ANKLE2: variants seen among roughly 807,000 people sequenced by gnomAD.
ANKLE2 encodes ankyrin repeat and LEM domain containing 2.
Under a neutral mutation model 84.2 loss-of-function variants are expected in ANKLE2, and 55 were observed. The observed-to-expected ratio is 0.65, with a 90% CI of 0.53 to 0.82. ANKLE2 has a LOEUF of 0.82. Among genes scored for constraint, ANKLE2 ranks in the 40% least tolerant of loss-of-function variants. The probability of loss-of-function intolerance (pLI) is 0.00; values close to 1 mark genes in which losing one functional copy is unlikely to be tolerated. For missense variants in ANKLE2, 1,238 were observed against 1,201.9 expected (o/e 1.03, Z -0.44); for synonymous variants, 551 against 486.1 (o/e 1.13, Z -1.76).
intron 8 of ANKLE2, among the ~76,000 whole-genome samples, chr12:132,736,626 G>A (rs758889833): frequency 3.9e-5 from 6 of 152,240 alleles, no homozygotes; most frequent in Non-Finnish European, 4.4e-5. Flanking sequence ...GCACAGGACG[G>A]GGCTGGCCCA....
chr12:132,758,821 A>G (rs533583976), intron 1 of ANKLE2: 1 of 152,420 alleles, frequency 6.6e-6, no homozygotes, highest in Non-Finnish European at 1.5e-5. Context: ...GCAACCGGCC[A>G]AGTACACAAC....
intron 7 of ANKLE2, among the ~76,000 whole-genome samples, chr12:132,739,133 G>C (rs2044071570): frequency 6.6e-6 from 1 of 151,972 alleles, no homozygotes; most frequent in African/African-American, 2.4e-5. Context: ...AGGAGGGAGA[G>C]GATGGAAAAA....
chr12:132,734,779 C>A, intron 9 of ANKLE2: 1 of 567,390 alleles, frequency 1.8e-6, no homozygotes, highest in Non-Finnish European at 3.0e-6. Flanking sequence ...CAGGACCCGG[C>A]ACAGCTCTCA....
intron 5 of ANKLE2, among the ~76,000 whole-genome samples, chr12:132,746,165 G>C (rs996990703): frequency 1.3e-5 from 2 of 152,046 alleles, no homozygotes; most frequent in East Asian, 1.9e-4. Context: ...TGGCTAACAC[G>C]GTGAAACCCC....
At position 132,748,243 on chromosome 12, in the gene ANKLE2, C is replaced by T. The variant is rs373253712; in HGVS notation, c.936G>A (p.Lys312=). 8.1e-6 allele frequency: 13 copies of T among 1,614,216 alleles called. No individual in the cohort carries two copies. The highest frequency in any genetic ancestry group is 1.1e-5 in the Non-Finnish European group (13 of 1,180,056). ...KNPRTQDLTA[K]LRKAVEKGEE... ...CTCCCTTCTCCACAGCTTTCCGAAG[C>T]TTGGCGGTGAGGTCCTGCGTGCGGG... Residue 312 remains lysine, a synonymous_variant, in exon 4 of 13, where the codon AAG becomes AAA. Coordinates refer to ENST00000357997, the MANE Select transcript of ANKLE2 (RefSeq NM_015114.3).
At position 132,754,792 on chromosome 12, in the gene ANKLE2, T is replaced by A. The variant is rs1431696182; in HGVS notation, c.523A>T (p.Thr175Ser). Residue 175 changes from threonine (T) to serine (S), a missense_variant, in exon 2 of 13, where the codon ACC (threonine) becomes TCC (serine). Coordinates refer to ENST00000357997, the MANE Select transcript of ANKLE2 (RefSeq NM_015114.3). ...GTGTCACTAGGGGGCACCGAGCAGG[T>A]CTTGGATGTCACAGCTTCCTCCTCT... is the stretch of plus-strand genomic sequence containing the variant. ...PPEEEAVTSK[T>S]CSVPPSDTDT... The A allele has an allele frequency of 1.2e-6, 2 of 1,614,096 alleles. No individual in the cohort carries two copies. The highest frequency in any genetic ancestry group is 1.7e-6 in the Non-Finnish European group (2 of 1,180,032).
rs1431289027 is a variant in ANKLE2 at position 132,743,924 on chromosome 12, G to A, written c.1231-648C>T. Among the ~76,000 whole-genome samples, 1 of 152,172 alleles carries A rather than the reference G, an allele frequency of 6.6e-6. No homozygotes were observed. The highest frequency in any genetic ancestry group is 1.5e-5 in the Non-Finnish European group (1 of 68,026). ...AGGACCACAACCAGAATAAAGCAAA[G>A]CGCACGAATTTGGTCTGTACTCAAA... On this transcript the variant is annotated intron_variant, in intron 5 of 12. Coordinates refer to ENST00000357997, the MANE Select transcript of ANKLE2 (RefSeq NM_015114.3). The surrounding 1 kb of genome is among the most constrained non-coding windows in gnomAD (Gnocchi z 4.1).
chr12:132,737,146 C>A (rs943910616), intron 7 of ANKLE2, 81 bp from the exon 8 acceptor site: 1 of 1,462,120 alleles, frequency 6.8e-7, no homozygotes, highest in African/African-American at 1.4e-5. Flanking sequence ...GGGGATCACG[C>A]GAGCCCTTGC....
At chr12:132,742,804 T>TAATCACAATCACCAA in intron 6 of ANKLE2, among the ~76,000 whole-genome samples, 1 of 540 alleles carries the variant, frequency 1.9e-3, no homozygotes, top group East Asian at 0.056. Context: ...ACCATCACCA[T>TAATCACAATCACCAA]CATCATCACC....
At chr12:132,753,966 G>C (rs2044418804) in intron 2 of ANKLE2, among the ~76,000 whole-genome samples, 1 of 152,254 alleles carries the variant, frequency 6.6e-6, no homozygotes, top group African/African-American at 2.4e-5. Flanking sequence ...AAAATGGCCA[G>C]GCGCGGTGGC....
intron 3 of ANKLE2, among the ~76,000 whole-genome samples, chr12:132,749,818 T>G (rs2044319107): frequency 6.6e-6 from 1 of 152,194 alleles, no homozygotes; most frequent in South Asian, 2.1e-4. Flanking sequence ...TAAGCCCGCC[T>G]TCTCCAGATG....
chr12:132,752,012 G>T (rs902432665), intron 2 of ANKLE2, among the ~76,000 whole-genome samples: 3 of 152,154 alleles, frequency 2.0e-5, no homozygotes, highest in African/African-American at 7.2e-5. Flanking sequence ...TATGAACAAT[G>T]TAACAGACGA....
rs764381018 is a variant in ANKLE2, at chr12:132,755,074, T to C, written c.241A>G (p.Arg81Gly). 4 of 1,613,500 alleles carry C rather than the reference T, an allele frequency of 2.5e-6. No individual in the cohort carries two copies. The highest frequency in any genetic ancestry group is 1.3e-5 in the African/African-American group (1 of 74,912). ...RLKLLNPDDLREEIVKAGLKC... is the reference protein window; with the variant it reads ...RLKLLNPDDLGEEIVKAGLKC... ...AATCCGGCTTTGACGATTTCTTCTC[T>C]AAGGTCATCTGGATTCAGAAGTTTC... Residue 81 changes from arginine to glycine, a missense_variant, in exon 2 of 13, where the codon AGA becomes GGA. By Grantham distance (125) the Arg-to-Gly change is moderately radical. Transcript: ENST00000357997.
chr12:132,750,002 AT>A (rs1258616022), intron 3 of ANKLE2, among the ~76,000 whole-genome samples: 1 of 151,912 alleles, frequency 6.6e-6, no homozygotes, highest in African/African-American at 2.4e-5. Flanking sequence ...CCCTGTCTCC[AT>A]AAAAAAAGTT....
At chr12:132,728,644 C>T (rs1471599221) in intron 11 of ANKLE2, among the ~76,000 whole-genome samples, 2 of 152,228 alleles carry the variant, frequency 1.3e-5, no homozygotes. Context: ...AGGGCATTAG[C>T]TCTGCAGAGG....
chr12:132,735,644 G>A, intron 8 of ANKLE2, 132 bp from the exon 9 acceptor site: 2 of 702,982 alleles, frequency 2.8e-6, no homozygotes, highest in Non-Finnish European at 4.7e-6. Context: ...TTCACTAGCA[G>A]ATCCCTGGGC....
In ANKLE2 at chr12:132,743,137, T is replaced by G. The variant is rs774149311; in HGVS notation, c.1353+17A>C. On this transcript the variant is annotated intron_variant, in intron 6 of 12. Transcript: ENST00000357997. This position sits in a 1 kb window ranked among gnomAD's most constrained non-coding sequence, Gnocchi z 4.1. ...TTTCTAACTCTAGATAGCAACTGCA[T>G]TGTAATAAGTACTTACATCTTCAGG... 2 of 1,582,574 alleles carry G rather than the reference T, an allele frequency of 1.3e-6. No individual in the cohort carries two copies. Among genetic ancestry groups the G allele is most frequent in the South Asian group, 2.3e-5 (2 of 85,700 alleles).
intron 7 of ANKLE2, 133 bp downstream of exon 7, chr12:132,741,286 G>C (rs1173174668): frequency 4.9e-6 from 4 of 817,136 alleles, no homozygotes; most frequent in Non-Finnish European, 8.0e-6. Flanking sequence ...GGATGATCCC[G>C]AGGAGAGGCT....
intron 1 of ANKLE2, chr12:132,758,447 C>T (rs905230899): frequency 6.6e-6 from 1 of 152,042 alleles, no homozygotes; most frequent in Admixed American, 6.6e-5. Flanking sequence ...TCAGTATGAT[C>T]ACAAGGTCTT....
Sources: allele counts gnomAD v4.1 joint callset (sites outside exome capture counted in the v4.1 genomes callset), GRCh38; gene constraint gnomAD v4.1.1; non-coding constraint Gnocchi (gnomAD v3.1); transcripts MANE v1.5; gene names NCBI Gene and HGNC (gene_info 2026-07-23, HGNC 2026-07-21).